DSC3: variants seen among roughly 807,000 people sequenced by gnomAD.
DSC3 encodes the protein desmocollin-3.
A neutral mutation model predicts 89.5 loss-of-function variants in DSC3; 97 were observed. The observed-to-expected ratio is 1.08, with a 90% CI of 0.92 to 1.28. The LOEUF (loss-of-function observed/expected upper bound fraction) is 1.28, where lower values mean the gene tolerates loss of function less well. Among genes scored for constraint, DSC3 ranks in the 50% most tolerant of loss-of-function variants. The probability of loss-of-function intolerance (pLI) is 0.00; values close to 1 mark genes in which losing one functional copy is unlikely to be tolerated. For missense variants in DSC3, 1,199 were observed against 1,085.3 expected (o/e 1.10, Z -1.47); for synonymous variants, 436 against 384.1 (o/e 1.14, Z -1.58).
chr18:31,036,124 C>T (rs574184189), intron 1 of DSC3, among the ~76,000 whole-genome samples: 36 of 152,246 alleles, frequency 2.4e-4, no homozygotes, highest in African/African-American at 8.4e-4. Flanking sequence ...ACATGAACAA[C>T]TTCAATTTTA....
At chr18:31,014,442 C>T (rs764208930) in intron 9 of DSC3, among the ~76,000 whole-genome samples, 5 of 151,916 alleles carry the variant, frequency 3.3e-5, no homozygotes, top group Admixed American at 6.6e-5. Context: ...AAAAGTGAGA[C>T]GTTTTACACC....
At chr18:31,032,585 T>TGC (rs1400941746) in intron 1 of DSC3, among the ~76,000 whole-genome samples, 2 of 117,652 alleles carry the variant, frequency 1.7e-5, no homozygotes, top group African/African-American at 7.5e-5. Context: ...TGTGTGTGTG[T>TGC]GTGTGCGTGT....
At chr18:31,005,786 C>T (rs1051770234) in intron 12 of DSC3, among the ~76,000 whole-genome samples, 3 of 152,100 alleles carry the variant, frequency 2.0e-5, no homozygotes, top group Non-Finnish European at 1.5e-5. Context: ...ACAGGAAAGG[C>T]ACTGCAATGC....
rs1271031622 is a variant in DSC3, at chr18:31,032,247, T to G, written c.99A>C (p.Lys33Asn). 3 of 1,613,726 alleles carry G rather than the reference T, an allele frequency of 1.9e-6. No individual in the cohort carries two copies. The South Asian group carries it at 3.3e-5, about 18-fold the overall frequency. ...VIFSRAGEAC[K>N]KVILNVPSKL... Reference sequence around the variant, plus strand: ...TAGAAGGTACATTAAGTATCACCTTTTTGCAGGCTTCACCAGCACGACTGA... The same window carrying G: ...TAGAAGGTACATTAAGTATCACCTTGTTGCAGGCTTCACCAGCACGACTGA... The change falls in exon 2 of 16, where the codon AAA (lysine) becomes AAC (asparagine). Residue 33 changes from lysine (K) to asparagine (N), a missense_variant. By Grantham distance (94) the Lys-to-Asn change is moderately conservative. Coordinates refer to ENST00000360428, the MANE Select transcript of DSC3 (RefSeq NM_001941.5).
At position 31,022,352 on chromosome 18, in the gene DSC3, T is replaced by C; in HGVS notation, c.926A>G (p.His309Arg). 1.9e-6 allele frequency: 3 copies of C among 1,613,620 alleles called. No individual in the cohort carries two copies. The highest frequency in any genetic ancestry group is 1.7e-5 in the Admixed American group (1 of 59,994). The stretch of plus-strand genomic sequence containing the variant: ...GTGAGCTACCTCTCTGTCCAAATAA[T>C]GAGAGACTGTGGTGATTACGCCTGT... ...PSTGVITTVS[H>R]YLDREVVDKY... The change falls in exon 7 of 16, where the codon CAT becomes CGT. Residue 309 changes from histidine to arginine, a missense_variant. Physicochemically the swap from His to Arg is conservative, Grantham distance 29. Coordinates refer to ENST00000360428, the MANE Select transcript of DSC3 (RefSeq NM_001941.5).
rs1018354826 is a variant in DSC3 at position 31,029,440 on chromosome 18, G to A, written c.474+69C>T. On this transcript the variant is annotated intron_variant, in intron 4 of 15. Coordinates refer to ENST00000360428, the MANE Select transcript of DSC3 (RefSeq NM_001941.5). ...CTGTTTATTTTTATATGTTTAAAGA[G>A]GTATTAAATCTCAATGAAACAGACT... is the stretch of plus-strand genomic sequence containing the variant. 42 of 1,561,678 alleles carry A rather than the reference G, an allele frequency of 2.7e-5. No homozygotes were observed. The African/African-American group carries it at 3.7e-4, about 14-fold the overall frequency.
At chr18:31,037,620 G>A (rs897219923) in intron 1 of DSC3, among the ~76,000 whole-genome samples, 1 of 151,838 alleles carries the variant, frequency 6.6e-6, no homozygotes, top group Non-Finnish European at 1.5e-5. Flanking sequence ...GTTCATTCTT[G>A]GCCAGGCGCA....
At position 31,008,280 on chromosome 18, in the gene DSC3, G is replaced by A. The variant is rs1462803286; in HGVS notation, c.1509C>T (p.Gly503=). 6.2e-7 allele frequency: 1 copy of A among 1,613,718 alleles called. No individual in the cohort carries two copies. The highest frequency in any genetic ancestry group is 1.3e-5 in the African/African-American group (1 of 74,850). Residue 503 remains glycine (G), a synonymous_variant, in exon 10 of 16, where the codon GGC becomes GGT. Coordinates refer to ENST00000360428, the MANE Select transcript of DSC3 (RefSeq NM_001941.5). ...YKAYDPENRN[G]NGLRYKKLHD... Reference sequence around the variant, plus strand: ...AGATTTATTTTTACCTTAAACCATTGCCATTTCTATTTTCGGGGTCATATG... The same window carrying A: ...AGATTTATTTTTACCTTAAACCATTACCATTTCTATTTTCGGGGTCATATG...
At chr18:31,008,575 C>T (rs1416928778) in intron 9 of DSC3, 50 bp from the exon 10 acceptor site, 6 of 1,604,632 alleles carry the variant, frequency 3.7e-6, no homozygotes, top group East Asian at 4.5e-5. Flanking sequence ...ATACATCTGG[C>T]ATTTCAAATG....
intron 4 of DSC3, among the ~76,000 whole-genome samples, chr18:31,027,989 A>G (rs1037213259): frequency 6.6e-6 from 1 of 152,250 alleles, no homozygotes. Context: ...AGAAATAACA[A>G]GCATTTTATT....
At chr18:31,036,588 C>T (rs562035305) in intron 1 of DSC3, among the ~76,000 whole-genome samples, 1 of 151,642 alleles carries the variant, frequency 6.6e-6, no homozygotes, top group South Asian at 2.1e-4. Context: ...AGTATTTTTG[C>T]TCTTTTTAGA....
In DSC3 at chr18:31,006,992, T is replaced by C. The variant is rs771328744; in HGVS notation, c.1803A>G (p.Glu601=). ...AATAAAATGGAGCTCCATGGACAGG[T>C]TCATCAGGATCAACAGCTAAAATGT... ...YTDILAVDPD[E]PVHGAPFYFS... is the part of the protein sequence containing the mutation. Residue 601 remains glutamate (E), a synonymous_variant, in exon 12 of 16, where the codon GAA becomes GAG. Coordinates refer to ENST00000360428, the MANE Select transcript of DSC3 (RefSeq NM_001941.5). The C allele has an allele frequency of 4.3e-6, 7 of 1,613,834 alleles. No individual in the cohort carries two copies. The highest frequency in any genetic ancestry group is 5.9e-6 in the Non-Finnish European group (7 of 1,179,954).
At chr18:30,996,681 G>T in intron 15 of DSC3, 110 bp downstream of exon 15, 2 of 1,318,152 alleles carry the variant, frequency 1.5e-6, no homozygotes, top group Non-Finnish European at 2.1e-6. Context: ...AACAGAGCAA[G>T]CAAGAGAGAG....
chr18:31,031,788 C>T (rs1245054235), intron 2 of DSC3, among the ~76,000 whole-genome samples: 3 of 152,152 alleles, frequency 2.0e-5, no homozygotes, highest in Non-Finnish European at 4.4e-5. Flanking sequence ...CCTCTAGTAA[C>T]AGGTAATAAA....
intron 1 of DSC3, among the ~76,000 whole-genome samples, chr18:31,037,677 G>A (rs532597737): frequency 1.3e-5 from 2 of 152,254 alleles, no homozygotes; most frequent in South Asian, 2.1e-4. Context: ...CGAGGCAGGC[G>A]GATCATGAGG....
chr18:31,034,863 A>G (rs1985920987), intron 1 of DSC3, among the ~76,000 whole-genome samples: 1 of 150,902 alleles, frequency 6.6e-6, no homozygotes. Context: ...AAAAACTTCT[A>G]AAATTAGATT....
chr18:30,996,419 T>G (rs1458187560), intron 15 of DSC3, among the ~76,000 whole-genome samples: 1 of 152,110 alleles, frequency 6.6e-6, no homozygotes, highest in East Asian at 1.9e-4. Context: ...CATACAAATG[T>G]TGGTGTTTTC....
intron 14 of DSC3, among the ~76,000 whole-genome samples, chr18:30,997,917 A>T (rs1984531242): frequency 6.6e-6 from 1 of 152,172 alleles, no homozygotes; most frequent in South Asian, 2.1e-4. Context: ...AGGGGTCCCC[A>T]ACTTCAATCA....
At chr18:31,021,928 A>G (rs987646355) in intron 7 of DSC3, among the ~76,000 whole-genome samples, 8 of 152,132 alleles carry the variant, frequency 5.3e-5, no homozygotes, top group African/African-American at 1.9e-4. Context: ...TTTTATTTCA[A>G]CTAATCCTTT....
Sources: allele counts gnomAD v4.1 joint callset (sites outside exome capture counted in the v4.1 genomes callset), GRCh38; gene constraint gnomAD v4.1.1; transcripts MANE v1.5; gene names NCBI Gene and HGNC (gene_info 2026-07-23, HGNC 2026-07-21).